TMEM132A: variants seen among roughly 807,000 people sequenced by gnomAD.
TMEM132A encodes the protein GRP78-binding protein.
TMEM132A carries 48 observed loss-of-function variants against 69.9 expected under a neutral mutation model. The observed-to-expected ratio is 0.69, with a 90% CI of 0.55 to 0.87. TMEM132A has a LOEUF of 0.87. Ranked by LOEUF, TMEM132A falls within the 40% of genes least tolerant of loss-of-function variation. TMEM132A has a pLI of 0.00. For synonymous variants in TMEM132A, 577 were observed against 613.7 expected (o/e 0.94, Z 0.88); for missense variants, 1,287 against 1,407.2 (o/e 0.91, Z 1.37).
intron 1 of TMEM132A, 93 bp downstream of exon 1, chr11:60,924,826 G>A (rs1246646567): frequency 1.8e-5 from 17 of 940,124 alleles, no homozygotes; most frequent in Admixed American, 3.0e-5. Flanking sequence ...TTGGGTTCTC[G>A]GACTGAACCC....
At chr11:60,932,929 A>C (rs1856511897) in intron 7 of TMEM132A, 1 of 152,276 alleles carries the variant, frequency 6.6e-6, no homozygotes, top group Non-Finnish European at 1.5e-5. Context: ...AGCATGAATA[A>C]GGAGCCAAAG....
In TMEM132A at chr11:60,927,434, CG is replaced by C; in HGVS notation, c.315+20del. On this transcript the variant is annotated intron_variant, in intron 2 of 10. Coordinates refer to ENST00000453848, the MANE Select transcript of TMEM132A (RefSeq NM_178031.3). Reference sequence around the variant, plus strand: ...CACTCAGCAGGTAAGGAGGGGGCACCGGGGACTCTCAGGCTAACAGGACTCA... The same window carrying C: ...CACTCAGCAGGTAAGGAGGGGGCACCGGGACTCTCAGGCTAACAGGACTCA... 1.2e-6 allele frequency: 2 copies of C among 1,601,506 alleles called. No individual in the cohort carries two copies. The highest frequency in any genetic ancestry group is 1.1e-5 in the South Asian group (1 of 89,688).
chr11:60,936,812 G>A lies in TMEM132A; in HGVS notation c.2977G>A (p.Gly993Ser). Residue 993 changes from glycine to serine, a missense_variant, in exon 11 of 11, where the codon GGC becomes AGC. Transcript: ENST00000453848. The stretch of plus-strand genomic sequence containing the variant: ...TGCTGTGCAGTCCATCCTTGTGGCA[G>A]GCGAGGAGGACATCCGCTGGGTGTG... ...APAVQSILVA[G>S]EEDIRWVCED... 1.2e-6 allele frequency: 2 copies of A among 1,613,344 alleles called. No individual in the cohort carries two copies. Among genetic ancestry groups the A allele is most frequent in the Non-Finnish European group, 8.5e-7 (1 of 1,179,656 alleles).
intron 4 of TMEM132A, 29 bp from the exon 5 acceptor site, chr11:60,930,481 C>A: frequency 6.4e-7 from 1 of 1,563,338 alleles, no homozygotes; most frequent in South Asian, 1.2e-5. Context: ...ATGCACCTTG[C>A]CAAACTGAGC....
chr11:60,933,598 G>T lies in TMEM132A; in HGVS notation c.1413G>T (p.Arg471=). ...FVAGKESRGA[R]GVRVDFWWRR... ...CTGGCAAGGAGAGCCGGGGCGCCCG[G>T]GGGGTGCGAGTGGACTTCTGGTGGC... Residue 471 remains arginine, a synonymous_variant, in exon 8 of 11, where the codon CGG becomes CGT. Transcript: ENST00000453848. 1 of 1,607,312 alleles carries T rather than the reference G, an allele frequency of 6.2e-7. No homozygotes were observed. The highest frequency in any genetic ancestry group is 2.2e-5 in the East Asian group (1 of 44,848).
At chr11:60,933,781 G>A (rs562276606) in intron 8 of TMEM132A, 37 bp downstream of exon 8, 9 of 1,529,042 alleles carry the variant, frequency 5.9e-6, no homozygotes, top group Middle Eastern at 3.9e-4. Context: ...AGGCCTTGGC[G>A]AGTCACACTG....
chr11:60,931,942 T>A (rs1251141783), intron 6 of TMEM132A, 42 bp from the exon 7 acceptor site: 3 of 1,612,546 alleles, frequency 1.9e-6, no homozygotes, highest in Non-Finnish European at 2.5e-6. Context: ...AGGAGCCCCA[T>A]GAGCTGAGGG....
rs1856370891 is a variant in TMEM132A, at chr11:60,927,437, G to C, written c.315+19G>C. The C allele has an allele frequency of 3.8e-6, 6 of 1,599,562 alleles. No individual in the cohort carries two copies. Among genetic ancestry groups the C allele is most frequent in the Non-Finnish European group, 5.1e-6 (6 of 1,172,122 alleles). ...TCAGCAGGTAAGGAGGGGGCACCGG[G>C]GACTCTCAGGCTAACAGGACTCAGG... On this transcript the variant is annotated intron_variant, in intron 2 of 10. Transcript: ENST00000453848.
At chr11:60,928,345 C>A (rs1170726619) in intron 3 of TMEM132A, among the ~76,000 whole-genome samples, 1 of 152,130 alleles carries the variant, frequency 6.6e-6, no homozygotes, top group Non-Finnish European at 1.5e-5. Flanking sequence ...GCAGGATAGT[C>A]CTGGGCTTGG....
rs1856500096 is a variant in TMEM132A at position 60,932,373 on chromosome 11, T to C, written c.1356+246T>C. On this transcript the variant is annotated intron_variant, in intron 7 of 10. Coordinates refer to ENST00000453848, the MANE Select transcript of TMEM132A (RefSeq NM_178031.3). Reference sequence around the variant, plus strand: ...CTCATTATTGCACTGGCAAGTGCGCTGGCCTGAGAGAGTCGAGAGCACATA... The same window carrying C: ...CTCATTATTGCACTGGCAAGTGCGCCGGCCTGAGAGAGTCGAGAGCACATA... 7.3e-6 allele frequency: 3 copies of C among 409,410 alleles called. No homozygotes were observed. In the South Asian group the frequency reaches 2.4e-4, roughly 33 times the overall value. 25.4% of individuals were successfully genotyped at this position (409,410 alleles called of 1,614,324 possible). A position where few individuals can be genotyped will look rare whatever the true frequency, so the allele number is the denominator to read the frequency against.
rs571711270 is a variant in TMEM132A, at chr11:60,930,586, C to A, written c.943C>A (p.Arg315Ser). Residue 315 changes from arginine (R) to serine (S), a missense_variant, in exon 5 of 11, where the codon CGC becomes AGC. Coordinates refer to ENST00000453848, the MANE Select transcript of TMEM132A (RefSeq NM_178031.3). ...QPTLWTAKLD[R>S]FKGSRHHTTL... ...CACACTCTGGACTGCCAAGCTGGAC[C>A]GCTTCAAGGGCTCCAGGCACCACAC... is the stretch of plus-strand genomic sequence containing the variant. 1.9e-6 allele frequency: 3 copies of A among 1,613,696 alleles called. No individual in the cohort carries two copies. Among genetic ancestry groups the A allele is most frequent in the African/African-American group, 2.7e-5 (2 of 75,034 alleles).
In TMEM132A at chr11:60,935,634, G is replaced by C. The variant is rs540808378; in HGVS notation, c.2028+191G>C. 2.5e-6 allele frequency: 2 copies of C among 789,950 alleles called. No homozygotes were observed. The highest frequency in any genetic ancestry group is 3.9e-6 in the Non-Finnish European group (2 of 507,684). 48.9% of individuals were successfully genotyped at this position (789,950 alleles called of 1,614,324 possible). A position where few individuals can be genotyped will look rare whatever the true frequency, so the allele number is the denominator to read the frequency against. ...AGTGGCTGGAGTATGGCAGTGGGAG[G>C]TTGGTTAGATGGCTCTAACTGAGGA... On this transcript the variant is annotated intron_variant, in intron 10 of 10. Transcript: ENST00000453848. The surrounding 1 kb of genome is among the most constrained non-coding windows in gnomAD (Gnocchi z 5.0).
At chr11:60,929,116 T>A (rs766298128) in intron 4 of TMEM132A, among the ~76,000 whole-genome samples, 156 bp downstream of exon 4, 4 of 152,222 alleles carry the variant, frequency 2.6e-5, no homozygotes, top group Non-Finnish European at 4.4e-5. Flanking sequence ...AAGCCATGAC[T>A]GTGCTGGTAG....
intron 3 of TMEM132A, 83 bp downstream of exon 3, chr11:60,927,942 C>A: frequency 7.9e-7 from 1 of 1,272,104 alleles, no homozygotes; most frequent in Non-Finnish European, 1.1e-6. Context: ...AGGAAACCCC[C>A]ACTCCTGGGA....
chr11:60,934,995 G>C (rs1375517037), intron 9 of TMEM132A, among the ~76,000 whole-genome samples: 1 of 152,174 alleles, frequency 6.6e-6, no homozygotes, highest in East Asian at 1.9e-4. Flanking sequence ...TGGGGACCGG[G>C]TCTTGAGGGA....
chr11:60,926,942 A>G (rs988318278), intron 1 of TMEM132A: 10 of 559,660 alleles, frequency 1.8e-5, no homozygotes, highest in Non-Finnish European at 3.2e-5. Flanking sequence ...AAGAAGGCCA[A>G]GGTCTGTGGA....
chr11:60,935,529 T>C lies in TMEM132A; in HGVS notation c.2028+86T>C. The stretch of plus-strand genomic sequence containing the variant: ...GGGGAATGGGAGGAAGGGACCCTGG[T>C]ACCTCGACCCCTTAGGGTTTTCAGA... On this transcript the variant is annotated intron_variant, in intron 10 of 10. Coordinates refer to ENST00000453848, the MANE Select transcript of TMEM132A (RefSeq NM_178031.3). This position sits in a 1 kb window ranked among gnomAD's most constrained non-coding sequence, Gnocchi z 5.0. 2 of 1,377,088 alleles carry C rather than the reference T, an allele frequency of 1.5e-6. No individual in the cohort carries two copies. The highest frequency in any genetic ancestry group is 2.0e-6 in the Non-Finnish European group (2 of 1,007,538). The allele number at this position is 1,377,088 out of a possible 1,614,324, so 85.3% of individuals were successfully genotyped here. A position where few individuals can be genotyped will look rare whatever the true frequency, so the allele number is the denominator to read the frequency against.
At chr11:60,933,351 T>G in intron 7 of TMEM132A, 191 bp from the exon 8 acceptor site, 1 of 576,398 alleles carries the variant, frequency 1.7e-6, no homozygotes, top group Non-Finnish European at 3.1e-6. Flanking sequence ...CCCGGCTGAT[T>G]TATTGTATTT....
At chr11:60,930,775 G>T in intron 5 of TMEM132A, 116 bp downstream of exon 5, 1 of 1,056,022 alleles carries the variant, frequency 9.5e-7, no homozygotes, top group Non-Finnish European at 1.3e-6. Context: ...GCAGACCCAA[G>T]GACAGATTTT....
Sources: gnomAD v4.1 joint callset for allele counts (sites outside exome capture counted in the v4.1 genomes callset) on GRCh38, gnomAD v4.1.1 for gene constraint, Gnocchi (gnomAD v3.1) non-coding constraint, MANE v1.5 for transcripts, NCBI Gene and HGNC (gene_info 2026-07-23, HGNC 2026-07-21) for gene names.